SUSD6: variants seen among roughly 807,000 people sequenced by gnomAD.
The protein encoded by SUSD6 is sushi domain containing 6.
Under a neutral mutation model 28.4 loss-of-function variants are expected in SUSD6, and 16 were observed. That is an observed-to-expected ratio of 0.56 (90% CI 0.38 to 0.86). The LOEUF is 0.86. Ranked by LOEUF, SUSD6 falls within the 40% of genes least tolerant of loss-of-function variation. The pLI is 0.00. For synonymous variants in SUSD6, 147 were observed against 159.6 expected (o/e 0.92, Z 0.59); for missense variants, 341 against 384.2 (o/e 0.89, Z 0.94).
At chr14:69,675,293 AAT>A (rs1350046232) in intron 2 of SUSD6, among the ~76,000 whole-genome samples, 12 of 152,232 alleles carry the variant, frequency 7.9e-5, no homozygotes, top group Admixed American at 7.2e-4. Flanking sequence ...TATCCCAGGC[AAT>A]ATATATGCAA....
rs150724393 is a variant in SUSD6, at chr14:69,704,689, C to T, written c.405C>T (p.Leu135=). The T allele has an allele frequency of 5.6e-5, 90 of 1,614,188 alleles. 2 individuals carry two copies. Among genetic ancestry groups the T allele is most frequent in the African/African-American group, 1.7e-4 (13 of 75,056 alleles). The change falls in exon 4 of 6, where the codon CTC becomes CTT. Residue 135 remains leucine (L), a synonymous_variant. Coordinates refer to ENST00000342745, the MANE Select transcript of SUSD6 (RefSeq NM_014734.4). ...TASSVALILL[L]VVLFVLLQPK... The stretch of plus-strand genomic sequence containing the variant: ...GCTCCGTGGCGCTCATTCTCCTCCT[C>T]GTGGTGCTGTTTGTGCTGCTGCAGC...
chr14:69,633,641 T>G (rs1447747757), intron 1 of SUSD6, among the ~76,000 whole-genome samples: 3 of 152,256 alleles, frequency 2.0e-5, no homozygotes, highest in Non-Finnish European at 2.9e-5. Flanking sequence ...TATTCTTCCT[T>G]ATATTCTAAT....
chr14:69,633,545 C>T (rs1338325563), intron 1 of SUSD6, among the ~76,000 whole-genome samples: 7 of 152,316 alleles, frequency 4.6e-5, no homozygotes, highest in East Asian at 1.9e-4. Flanking sequence ...CTTTTTAAGG[C>T]GCTCTTTGAT....
At chr14:69,691,962 C>T (rs1886159207) in intron 2 of SUSD6, among the ~76,000 whole-genome samples, 1 of 151,460 alleles carries the variant, frequency 6.6e-6, no homozygotes, top group Admixed American at 6.6e-5. Context: ...TTGCTTGAAC[C>T]CGGGAGGCGG....
intron 1 of SUSD6, among the ~76,000 whole-genome samples, chr14:69,613,087 TG>T (rs943761659): frequency 1.8e-4 from 27 of 152,196 alleles, no homozygotes; most frequent in African/African-American, 6.5e-4. Flanking sequence ...TTCCTGGAGT[TG>T]GGGGAGGTAT....
chr14:69,700,562 G>C (rs1227307935), intron 2 of SUSD6, among the ~76,000 whole-genome samples: 1 of 152,142 alleles, frequency 6.6e-6, no homozygotes, highest in African/African-American at 2.4e-5. Context: ...TGGGCTGCTT[G>C]CTGTTCTCAG....
intron 2 of SUSD6, among the ~76,000 whole-genome samples, chr14:69,691,216 A>T (rs1334202074): frequency 6.6e-6 from 1 of 152,136 alleles, no homozygotes; most frequent in Non-Finnish European, 1.5e-5. Flanking sequence ...GGTGGTGTGC[A>T]CCTGTAATCC....
chr14:69,662,614 A>T (rs1327995063), intron 2 of SUSD6, among the ~76,000 whole-genome samples: 1 of 152,222 alleles, frequency 6.6e-6, no homozygotes. Context: ...ACACCTAGTC[A>T]CACCATGCAG....
intron 1 of SUSD6, among the ~76,000 whole-genome samples, chr14:69,621,758 T>G (rs991862974): frequency 6.6e-6 from 1 of 152,228 alleles, no homozygotes; most frequent in Non-Finnish European, 1.5e-5. Flanking sequence ...TGAACTGTTT[T>G]TGGGGGGGCA....
At chr14:69,664,703 G>T (rs186102630) in intron 2 of SUSD6, among the ~76,000 whole-genome samples, 3 of 152,160 alleles carry the variant, frequency 2.0e-5, no homozygotes, top group Non-Finnish European at 2.9e-5. Context: ...CAGAGTCCAC[G>T]TAACTGGGTC....
chr14:69,678,487 G>A (rs990230215), intron 2 of SUSD6, among the ~76,000 whole-genome samples: 8 of 151,970 alleles, frequency 5.3e-5, no homozygotes, highest in Non-Finnish European at 1.0e-4. Flanking sequence ...ATCTATGGGC[G>A]ACTCCAGTTG....
At chr14:69,612,560 C>G (rs1428842894) in intron 1 of SUSD6, among the ~76,000 whole-genome samples, 1 of 152,076 alleles carries the variant, frequency 6.6e-6, no homozygotes, top group African/African-American at 2.4e-5. Flanking sequence ...AAAAGTTACC[C>G]TGGACGAATT....
intron 2 of SUSD6, among the ~76,000 whole-genome samples, chr14:69,698,883 T>A (rs558144211): frequency 6.6e-6 from 1 of 152,166 alleles, no homozygotes; most frequent in Non-Finnish European, 1.5e-5. Flanking sequence ...TGTAAAATTG[T>A]CTGGCTTTCT....
chr14:69,691,616 G>A (rs921403884), intron 2 of SUSD6, among the ~76,000 whole-genome samples: 11 of 152,188 alleles, frequency 7.2e-5, no homozygotes, highest in Non-Finnish European at 1.3e-4. Flanking sequence ...GTTTATTTCA[G>A]GCTTTGGCAG....
chr14:69,627,503 A>T (rs1417328478), intron 1 of SUSD6, among the ~76,000 whole-genome samples: 1 of 152,152 alleles, frequency 6.6e-6, no homozygotes, highest in Non-Finnish European at 1.5e-5. Context: ...TTTGAGACAG[A>T]GTCTCACTCT....
intron 1 of SUSD6, among the ~76,000 whole-genome samples, chr14:69,638,333 T>A (rs913698049): frequency 1.3e-5 from 2 of 152,000 alleles, no homozygotes; most frequent in African/African-American, 4.8e-5. Flanking sequence ...TCTGGCCTTG[T>A]AAGGACCTAA....
At chr14:69,630,776 T>C (rs1253892426) in intron 1 of SUSD6, among the ~76,000 whole-genome samples, 1 of 152,224 alleles carries the variant, frequency 6.6e-6, no homozygotes, top group Non-Finnish European at 1.5e-5. Context: ...GTATCCATCT[T>C]TGTCAGTTAT....
Position 69,677,827 on chromosome 14 carries a change from T to C in SUSD6, c.121+19114T>C, listed in dbSNP as rs532971818. 7.2e-5 allele frequency among the ~76,000 whole-genome samples: 11 copies of C among 152,342 alleles called. No individual in the cohort carries two copies. The South Asian group carries it at 1.7e-3, about 23-fold the overall frequency. On this transcript the variant is annotated intron_variant, in intron 2 of 5. Coordinates refer to ENST00000342745, the MANE Select transcript of SUSD6 (RefSeq NM_014734.4). ...CCAAATACCCTGTTAAGAAGTGATA[T>C]GCCTTAGGTTGGAGGCATTGTAAAA...
At chr14:69,655,255 C>A (rs1456308365) in intron 1 of SUSD6, among the ~76,000 whole-genome samples, 2 of 152,082 alleles carry the variant, frequency 1.3e-5, no homozygotes, top group Admixed American at 6.5e-5. Context: ...TTGCCCTGTT[C>A]TTTTTAAACC....
Sources: allele counts gnomAD v4.1 joint callset (sites outside exome capture counted in the v4.1 genomes callset), GRCh38; gene constraint gnomAD v4.1.1; transcripts MANE v1.5; gene names NCBI Gene and HGNC (gene_info 2026-07-23, HGNC 2026-07-21).